SDC3: variants seen among roughly 807,000 people sequenced by gnomAD.
SDC3 encodes the protein syndecan 3.
In SDC3, 13 loss-of-function variants were observed where a neutral mutation model predicts 24.4. That is an observed-to-expected ratio of 0.53 (90% CI 0.35 to 0.85). The LOEUF (loss-of-function observed/expected upper bound fraction) is 0.85. Ranked by LOEUF, SDC3 falls within the 40% of genes least tolerant of loss-of-function variation. The pLI, the probability that SDC3 is intolerant of heterozygous loss-of-function variation, is 0.01. For synonymous variants in SDC3, 295 were observed against 260.9 expected, an observed-to-expected ratio of 1.13 and a Z score of -1.26; for missense variants, 571 against 584.5, an observed-to-expected ratio of 0.98 and a Z score of 0.24.
chr1:30,887,082 T>C (rs1639839795), intron 1 of SDC3, among the ~76,000 whole-genome samples: 1 of 151,902 alleles, frequency 6.6e-6, no homozygotes, highest in South Asian at 2.1e-4. Flanking sequence ...CACCTCACAC[T>C]CAGCTCCCTG....
chr1:30,874,372 T>C lies in SDC3; in HGVS notation c.1087A>G (p.Asn363Asp), dbSNP rs781688816. 8.1e-6 allele frequency: 13 copies of C among 1,613,892 alleles called. No homozygotes were observed. The highest frequency in any genetic ancestry group is 1.1e-5 in the Non-Finnish European group (13 of 1,179,990). The change falls in exon 4 of 5, where the codon AAT becomes GAT. Residue 363 changes from asparagine to aspartate, a missense_variant. Physicochemically the swap from Asn to Asp is conservative, Grantham distance 23. Transcript: ENST00000339394. ...GCTGAGCTGCCCGAGTCGATGGCAT[T>C]GTCCAGGAGGCCAGGGCCCGGGCGG... ...GARPGPGLLD[N>D]AIDSGSSAAQ...
At chr1:30,880,343 G>A (rs546478107) in intron 1 of SDC3, among the ~76,000 whole-genome samples, 8 of 149,200 alleles carry the variant, frequency 5.4e-5, no homozygotes, top group Non-Finnish European at 7.4e-5. Context: ...CGAGGACTGA[G>A]GGAGGCCAGG....
chr1:30,909,354 T>C (rs1055199708), upstream of SDC3, among the ~76,000 whole-genome samples: 1 of 152,150 alleles, frequency 6.6e-6, no homozygotes, highest in South Asian at 2.1e-4. Context: ...GCCCTGTCAC[T>C]GTGGATCTGC....
chr1:30,900,706 C>T (rs1351111976), intron 1 of SDC3, among the ~76,000 whole-genome samples: 2 of 152,150 alleles, frequency 1.3e-5, no homozygotes, highest in Non-Finnish European at 2.9e-5. Context: ...CCCTGGTGCC[C>T]GCAATCGAAT....
At chr1:30,878,815 G>C (rs997490684) in intron 1 of SDC3, 75 bp from the exon 2 acceptor site, 2 of 1,201,106 alleles carry the variant, frequency 1.7e-6, no homozygotes, top group East Asian at 2.3e-5. Context: ...AGGGCGACAG[G>C]TGCCCTTGTG....
chr1:30,892,468 A>T (rs1263498728), intron 1 of SDC3, among the ~76,000 whole-genome samples: 1 of 151,130 alleles, frequency 6.6e-6, no homozygotes, highest in East Asian at 2.0e-4. Flanking sequence ...TGAATGAATG[A>T]TCCTAAAACA....
intron 2 of SDC3, 179 bp from the exon 3 acceptor site, chr1:30,877,344 C>T (rs1332007193): frequency 3.7e-6 from 3 of 804,940 alleles, no homozygotes; most frequent in Non-Finnish European, 5.9e-6. Flanking sequence ...TGGTCAGTTG[C>T]TGATGTTCCC....
chr1:30,874,269 T>C, intron 4 of SDC3, 28 bp downstream of exon 4: 2 of 1,562,380 alleles, frequency 1.3e-6, no homozygotes, highest in Admixed American at 1.8e-5. Context: ...CCTCCCAGGC[T>C]CCCCTTGGCC....
At chr1:30,875,663 A>G (rs575543118) in intron 3 of SDC3, among the ~76,000 whole-genome samples, 1 of 152,116 alleles carries the variant, frequency 6.6e-6, no homozygotes, top group Admixed American at 6.5e-5. Flanking sequence ...CACTCCTGAC[A>G]TCTTCATCCT....
In SDC3 at chr1:30,908,578, C is replaced by T; in HGVS notation, c.9G>A (p.Pro3=). The T allele has an allele frequency of 1.0e-6, 1 of 976,114 alleles. No individual in the cohort carries two copies. The highest frequency in any genetic ancestry group is 6.4e-5 in the Admixed American group (1 of 15,560). The allele number at this position is 976,114 out of a possible 1,614,324, so 60.5% of individuals were successfully genotyped here. MK[P]GPPHRAGAAH... is the part of the protein sequence containing the mutation. The stretch of plus-strand genomic sequence containing the variant: ...CGGCCCCGGCACGGTGCGGCGGCCC[C>T]GGCTTCATGGCGGCGGCGCGGGCGC... The change falls in exon 1 of 5, where the codon CCG becomes CCA. Residue 3 remains proline, a synonymous_variant. Transcript: ENST00000339394.
In SDC3 at chr1:30,908,744, C is replaced by G. The variant is rs1382651829; in HGVS notation, c.-158G>C. 9.2e-5 allele frequency: 15 copies of G among 162,968 alleles called. No individual in the cohort carries two copies. The highest frequency in any genetic ancestry group is 1.7e-4 in the Non-Finnish European group (14 of 81,318). 10.1% of individuals were successfully genotyped at this position (162,968 alleles called of 1,614,324 possible). On this transcript the variant is annotated 5_prime_UTR_variant, in exon 1 of 5. Transcript: ENST00000339394. ...GGCTCGGCCGCCCGGCTCCGCCTCG[C>G]AGCTCCGCGCCCACAGCGGCCGCGC...
At chr1:30,884,030 C>T (rs1255473511) in intron 1 of SDC3, among the ~76,000 whole-genome samples, 1 of 152,176 alleles carries the variant, frequency 6.6e-6, no homozygotes, top group Non-Finnish European at 1.5e-5. Flanking sequence ...GGCAGCAAGA[C>T]AGCCAAGGGG....
chr1:30,908,389 A>G, intron 1 of SDC3, 60 bp downstream of exon 1: 1 of 909,300 alleles, frequency 1.1e-6, no homozygotes, highest in Non-Finnish European at 1.3e-6. Flanking sequence ...GGGGACCGGC[A>G]CCCCGCGCGG....
At chr1:30,890,273 C>T (rs1279390943) in intron 1 of SDC3, among the ~76,000 whole-genome samples, 1 of 152,142 alleles carries the variant, frequency 6.6e-6, no homozygotes, top group East Asian at 1.9e-4. Flanking sequence ...TGCCATTGCA[C>T]CCCAGCCTGG....
chr1:30,908,943 G>A (rs1250102867), upstream of SDC3, among the ~76,000 whole-genome samples: 5 of 151,712 alleles, frequency 3.3e-5, no homozygotes, highest in African/African-American at 1.2e-4. Flanking sequence ...CTGCCGAGTG[G>A]GCACCCGGAC....
intron 1 of SDC3, among the ~76,000 whole-genome samples, chr1:30,884,425 G>A (rs1639798629): frequency 6.6e-6 from 1 of 151,972 alleles, no homozygotes; most frequent in African/African-American, 2.4e-5. Flanking sequence ...TTCCCTTTGG[G>A]CCTGTCCCAT....
At chr1:30,890,743 A>C (rs1639892183) in intron 1 of SDC3, among the ~76,000 whole-genome samples, 1 of 152,204 alleles carries the variant, frequency 6.6e-6, no homozygotes. Flanking sequence ...CAGAGCCTGG[A>C]CTCAAGTTCA....
intron 1 of SDC3, among the ~76,000 whole-genome samples, chr1:30,892,062 G>A (rs1045466705): frequency 2.6e-5 from 4 of 151,774 alleles, no homozygotes; most frequent in East Asian, 1.9e-4. Flanking sequence ...CAGGTCCTGC[G>A]TTCCCCAGGT....
chr1:30,885,668 C>T (rs565192295), intron 1 of SDC3, among the ~76,000 whole-genome samples: 3 of 152,354 alleles, frequency 2.0e-5, no homozygotes, highest in Admixed American at 1.3e-4. Flanking sequence ...ACGGCCCAAC[C>T]GAGTCTCACC....
Sources: gnomAD v4.1 joint callset for allele counts (sites outside exome capture counted in the v4.1 genomes callset) on GRCh38, gnomAD v4.1.1 for gene constraint, MANE v1.5 for transcripts, NCBI Gene and HGNC (gene_info 2026-07-23, HGNC 2026-07-21) for gene names.